PLXDC2: variants seen among roughly 807,000 people sequenced by gnomAD.
PLXDC2 encodes plexin domain containing 2.
PLXDC2 carries 40 observed loss-of-function variants against 68.9 expected under a neutral mutation model. That is an observed-to-expected ratio of 0.58 (90% CI 0.45 to 0.76). PLXDC2 has a LOEUF of 0.76. Ranked by LOEUF, PLXDC2 falls within the 30% of genes least tolerant of loss-of-function variation. PLXDC2 has a pLI of 0.00. For missense variants in PLXDC2, 644 were observed against 661.9 expected, an observed-to-expected ratio of 0.97 and a Z score of 0.30; for synonymous variants, 243 against 234.2, an observed-to-expected ratio of 1.04 and a Z score of -0.34.
intron 12 of PLXDC2, among the ~76,000 whole-genome samples, chr10:20,224,048 C>T (rs1835254354): frequency 6.7e-6 from 1 of 149,938 alleles, no homozygotes; most frequent in Non-Finnish European, 1.5e-5. Context: ...AATCTTGGCT[C>T]ACTGCAACCT....
chr10:20,200,362 A>G (rs1834900481), intron 9 of PLXDC2, among the ~76,000 whole-genome samples: 2 of 152,092 alleles, frequency 1.3e-5, no homozygotes, highest in African/African-American at 4.8e-5. Context: ...TAATTAAAAC[A>G]TGAAATGTCA....
At chr10:19,969,857 T>C (rs1834321176) in intron 1 of PLXDC2, among the ~76,000 whole-genome samples, 1 of 152,172 alleles carries the variant, frequency 6.6e-6, no homozygotes, top group South Asian at 2.1e-4. Context: ...AAATGCCCTG[T>C]TTTTGGAAAA....
Position 20,230,811 on chromosome 10 carries a change from C to T in PLXDC2, c.1312+11709C>T, listed in dbSNP as rs1588532033. ...AGGATATATATTTGAACAATACTGA[C>T]AACCACTTTGTCATAATCCAGCAGT... is the stretch of plus-strand genomic sequence containing the variant. On this transcript the variant is annotated intron_variant, in intron 12 of 13. Coordinates refer to ENST00000377252, the MANE Select transcript of PLXDC2 (RefSeq NM_032812.9). 3.6e-5 allele frequency among the ~76,000 whole-genome samples: 5 copies of T among 137,268 alleles called. No individual in the cohort carries two copies. The South Asian group carries it at 9.9e-4, about 27-fold the overall frequency. The allele number at this position is 137,268 out of a possible 152,430, so 90.1% of individuals were successfully genotyped here. A position where few individuals can be genotyped will look rare whatever the true frequency, so the allele number is the denominator to read the frequency against.
intron 2 of PLXDC2, among the ~76,000 whole-genome samples, chr10:20,039,828 A>G (rs10508607): frequency 0.085 from 12,885 of 152,264 alleles, 1,155 homozygotes; most frequent in African/African-American, 0.22. Flanking sequence ...TAAGGTAAAT[A>G]TCTTCCACCC....
At chr10:20,211,619 C>T (rs1292688689) in intron 9 of PLXDC2, 50 bp from the exon 10 acceptor site, 1 of 1,569,366 alleles carries the variant, frequency 6.4e-7, no homozygotes, top group Non-Finnish European at 8.8e-7. Flanking sequence ...TGTCCACCAC[C>T]CTGCACCCTA....
At position 20,204,415 on chromosome 10, in the gene PLXDC2, C is replaced by G. The variant is rs995020134; in HGVS notation, c.1062-7254C>G. On this transcript the variant is annotated intron_variant, in intron 9 of 13. Transcript: ENST00000377252. ...TATCATCTCATTTAAAATACTGATG[C>G]TTCTTTTTAAAGCATCTTTCCATTT... Among the ~76,000 whole-genome samples the G allele has an allele frequency of 2.0e-5, 3 of 152,064 alleles. No individual in the cohort carries two copies. The South Asian group carries it at 6.2e-4, about 31-fold the overall frequency.
chr10:19,987,033 T>G (rs1352852443), intron 1 of PLXDC2, among the ~76,000 whole-genome samples: 1 of 152,162 alleles, frequency 6.6e-6, no homozygotes, highest in African/African-American at 2.4e-5. Flanking sequence ...CACTGATATC[T>G]CCCTTTCTCA....
At chr10:20,270,150 T>G (rs2778964) in intron 13 of PLXDC2, among the ~76,000 whole-genome samples, 1 of 151,892 alleles carries the variant, frequency 6.6e-6, no homozygotes, top group Non-Finnish European at 1.5e-5. Flanking sequence ...AGAAGACTAT[T>G]GGTAGTCTAT....
At chr10:19,885,736 A>C (rs986790895) in intron 1 of PLXDC2, among the ~76,000 whole-genome samples, 1 of 152,142 alleles carries the variant, frequency 6.6e-6, no homozygotes, top group Admixed American at 6.6e-5. Context: ...TACCAGTACC[A>C]TGCTGTTTTG....
rs1206139424 is a variant in PLXDC2, at chr10:20,281,205, A to G, written c.*1386A>G. On this transcript the variant is annotated 3_prime_UTR_variant, in exon 14 of 14. Transcript: ENST00000377252. Reference sequence around the variant, plus strand: ...TGCAGAAAGCTCCTTAAATGGAGATATCGATTGCCTTGGAATCACAATCCT... The same window carrying G: ...TGCAGAAAGCTCCTTAAATGGAGATGTCGATTGCCTTGGAATCACAATCCT... 2.0e-5 allele frequency: 3 copies of G among 152,284 alleles called. No individual in the cohort carries two copies. The highest frequency in any genetic ancestry group is 2.9e-5 in the Non-Finnish European group (2 of 68,026). The allele number at this position is 152,284 out of a possible 1,614,324, so 9.4% of individuals were successfully genotyped here.
intron 1 of PLXDC2, among the ~76,000 whole-genome samples, chr10:19,879,253 A>G (rs1234400848): frequency 3.3e-5 from 5 of 152,220 alleles, no homozygotes; most frequent in Non-Finnish European, 7.3e-5. Flanking sequence ...GCCTGATTAC[A>G]TTAGAAATAT....
At chr10:20,152,681 T>C (rs1834167236) in intron 6 of PLXDC2, among the ~76,000 whole-genome samples, 1 of 152,154 alleles carries the variant, frequency 6.6e-6, no homozygotes, top group African/African-American at 2.4e-5. Context: ...CTTGACTATA[T>C]TAATAACAAT....
rs1024034210 is a variant in PLXDC2, at chr10:19,991,159, C to G, written c.113-10616C>G. The stretch of plus-strand genomic sequence containing the variant: ...TACTTGGGAGGTTCAGGTAGGAGAA[C>G]TGCTTGAACCTGGGAGGCAGAGGTT... On this transcript the variant is annotated intron_variant, in intron 1 of 13. Coordinates refer to ENST00000377252, the MANE Select transcript of PLXDC2 (RefSeq NM_032812.9). 2.6e-5 allele frequency among the ~76,000 whole-genome samples: 4 copies of G among 151,480 alleles called. No individual in the cohort carries two copies. In the South Asian group the frequency reaches 6.3e-4, roughly 24 times the overall value.
At chr10:20,195,148 A>G (rs1834820626) in intron 9 of PLXDC2, among the ~76,000 whole-genome samples, 2 of 152,084 alleles carry the variant, frequency 1.3e-5, no homozygotes, top group Non-Finnish European at 2.9e-5. Context: ...AACTCCAAAT[A>G]TAAAACAGAT....
At chr10:19,981,812 A>G (rs1357300996) in intron 1 of PLXDC2, among the ~76,000 whole-genome samples, 7 of 152,248 alleles carry the variant, frequency 4.6e-5, no homozygotes, top group South Asian at 2.1e-4. Context: ...TCAAATTAGT[A>G]TGGCACTGAT....
At chr10:20,042,165 G>GT (rs1835694607) in intron 2 of PLXDC2, among the ~76,000 whole-genome samples, 1 of 152,068 alleles carries the variant, frequency 6.6e-6, no homozygotes, top group African/African-American at 2.4e-5. Context: ...CCAGTAGTGG[G>GT]TTCATCTCTG....
At chr10:19,891,333 A>G (rs547049097) in intron 1 of PLXDC2, among the ~76,000 whole-genome samples, 2 of 152,260 alleles carry the variant, frequency 1.3e-5, no homozygotes, top group East Asian at 1.9e-4. Flanking sequence ...CTGTGTCCCA[A>G]TTTAAAGTAC....
intron 2 of PLXDC2, among the ~76,000 whole-genome samples, chr10:20,030,864 A>G (rs779431774): frequency 1.3e-5 from 2 of 152,176 alleles, no homozygotes; most frequent in Non-Finnish European, 2.9e-5. Flanking sequence ...ATTTAGGCCC[A>G]GTTACCAACT....
At chr10:20,001,031 C>T (rs1375171189) in intron 1 of PLXDC2, among the ~76,000 whole-genome samples, 1 of 152,162 alleles carries the variant, frequency 6.6e-6, no homozygotes, top group Non-Finnish European at 1.5e-5. Context: ...CAAGGCCAGT[C>T]CCTGCAGATG....
Sources: allele counts gnomAD v4.1 joint callset (sites outside exome capture counted in the v4.1 genomes callset), GRCh38; gene constraint gnomAD v4.1.1; transcripts MANE v1.5; gene names NCBI Gene and HGNC (gene_info 2026-07-23, HGNC 2026-07-21).